The following TXNRD3 variants were observed in gnomAD, a reference collection of about 807,000 sequenced individuals.
The protein encoded by TXNRD3 is TXNRD3 neighbor gene protein.
In TXNRD3, 68 loss-of-function variants were observed where a neutral mutation model predicts 78.2. The ratio of observed to expected loss-of-function variants is 0.87; its 90% confidence interval spans 0.72 to 1.06. TXNRD3 has a LOEUF of 1.06. Among genes scored for constraint, TXNRD3 ranks in the 50% least tolerant of loss-of-function variants. TXNRD3 has a pLI of 0.00. For synonymous variants in TXNRD3, 296 were observed against 300.1 expected (o/e 0.99, Z 0.14); for missense variants, 751 against 809.5 (o/e 0.93, Z 0.88).
At chr3:126,629,273 A>G (rs778495426) in intron 10 of TXNRD3, 106 bp downstream of exon 10, 19 of 875,416 alleles carry the variant, frequency 2.2e-5, no homozygotes, top group Middle Eastern at 2.5e-4. Flanking sequence ...ACAAAGAATA[A>G]AAAAAGTAAA....
At chr3:126,614,108 A>G (rs759544484) in intron 13 of TXNRD3, among the ~76,000 whole-genome samples, 2 of 152,220 alleles carry the variant, frequency 1.3e-5, no homozygotes, top group Non-Finnish European at 2.9e-5. Context: ...TAAAAAAATT[A>G]ATAGAAAAAA....
At chr3:126,648,467 A>C (rs888497408) in intron 1 of TXNRD3, among the ~76,000 whole-genome samples, 4 of 152,260 alleles carry the variant, frequency 2.6e-5, no homozygotes, top group Non-Finnish European at 5.9e-5. Flanking sequence ...TACAGTAATC[A>C]AAACAGTGCC....
At chr3:126,617,974 T>C (rs1461874451) in intron 12 of TXNRD3, among the ~76,000 whole-genome samples, 1 of 152,134 alleles carries the variant, frequency 6.6e-6, no homozygotes, top group Non-Finnish European at 1.5e-5. Context: ...CCATTTATAA[T>C]AGCTACAAAA....
rs145394225 is a variant in TXNRD3, at chr3:126,607,224, T to C, written c.*681A>G. Reference sequence around the variant, plus strand: ...TACTTTTATCTTACATGAGATATTTTGCTCAGTCTCGAGATATTAATTAGG... The same window carrying C: ...TACTTTTATCTTACATGAGATATTTCGCTCAGTCTCGAGATATTAATTAGG... On this transcript the variant is annotated 3_prime_UTR_variant, in exon 16 of 16. Transcript: ENST00000524230. The C allele has an allele frequency of 6.6e-6, 1 of 152,364 alleles. No individual in the cohort carries two copies. The highest frequency in any genetic ancestry group is 1.9e-4 in the East Asian group (1 of 5,192). 9.4% of individuals were successfully genotyped at this position (152,364 alleles called of 1,614,324 possible). A position where few individuals can be genotyped will look rare whatever the true frequency, so the allele number is the denominator to read the frequency against.
chr3:126,612,902 T>C (rs1180021081), intron 13 of TXNRD3, among the ~76,000 whole-genome samples: 3 of 152,224 alleles, frequency 2.0e-5, no homozygotes, highest in Non-Finnish European at 4.4e-5. Context: ...AATATGACCT[T>C]ATCACATACT....
chr3:126,653,861 C>T (rs569814694), intron 1 of TXNRD3, among the ~76,000 whole-genome samples: 2 of 152,244 alleles, frequency 1.3e-5, no homozygotes, highest in East Asian at 3.9e-4. Context: ...AATTAATGAA[C>T]CCCAGCTACA....
chr3:126,639,145 T>C (rs866587560), intron 6 of TXNRD3, among the ~76,000 whole-genome samples: 1 of 152,204 alleles, frequency 6.6e-6, no homozygotes, highest in African/African-American at 2.4e-5. Context: ...TGAAACAGTG[T>C]AGATATTTAT....
At chr3:126,629,097 A>T (rs2107618036) in intron 10 of TXNRD3, among the ~76,000 whole-genome samples, 1 of 152,174 alleles carries the variant, frequency 6.6e-6, no homozygotes, top group Middle Eastern at 3.4e-3. Context: ...TCAAATTAAG[A>T]AATGTATAAA....
intron 1 of TXNRD3, among the ~76,000 whole-genome samples, chr3:126,653,096 T>G (rs1488296719): frequency 6.6e-6 from 1 of 152,370 alleles, no homozygotes; most frequent in East Asian, 1.9e-4. Context: ...AATGTATGTA[T>G]AGCTCACGTT....
intron 2 of TXNRD3, 70 bp downstream of exon 2, chr3:126,647,166 G>A: frequency 8.1e-7 from 1 of 1,228,496 alleles, no homozygotes. Flanking sequence ...ATTGAACAAA[G>A]TAAATGGAAA....
rs571044705 is a variant in TXNRD3 at position 126,644,290 on chromosome 3, T to G, written c.519+7A>C. On this transcript the variant is annotated splice_region_variant and intron_variant, in intron 4 of 15. Transcript: ENST00000524230. ...ATTATCTACGAGTTTCATTTCTATA[T>G]TCATACCTTCGCACATGAAAGGCCT... The G allele has an allele frequency of 9.8e-6, 15 of 1,534,168 alleles. No homozygotes were observed. Among genetic ancestry groups the G allele is most frequent in the East Asian group, 2.4e-5 (1 of 40,918 alleles).
At chr3:126,651,882 TA>T (rs1381512895) in intron 1 of TXNRD3, among the ~76,000 whole-genome samples, 1 of 152,126 alleles carries the variant, frequency 6.6e-6, no homozygotes, top group Admixed American at 6.6e-5. Flanking sequence ...TTTCAGGAGC[TA>T]AAACAGGAGA....
rs59442626 is a variant in TXNRD3 at position 126,625,867 on chromosome 3, A to G, written c.1291-3327T>C. 1,088 of 152,452 alleles carry G rather than the reference A, an allele frequency of 7.1e-3. 14 individuals carry two copies. The highest frequency in any genetic ancestry group is 0.025 in the African/African-American group (1,025 of 41,554). 9.4% of individuals were successfully genotyped at this position (152,452 alleles called of 1,614,324 possible). ...TCTAACTGGTGTGAGATGGTATCTC[A>G]TTGTGGTTTTGATTTGAACAGCAGT... On this transcript the variant is annotated intron_variant, in intron 10 of 15. Transcript: ENST00000524230.
chr3:126,647,149 A>C, intron 2 of TXNRD3, 87 bp downstream of exon 2: 1 of 1,047,364 alleles, frequency 9.5e-7, no homozygotes, highest in South Asian at 1.7e-5. Flanking sequence ...AGACAAGAGT[A>C]ATCTGAATTG....
At chr3:126,622,404 G>A in intron 11 of TXNRD3, 60 bp downstream of exon 11, 1 of 1,174,690 alleles carries the variant, frequency 8.5e-7, no homozygotes, top group Non-Finnish European at 1.2e-6. Flanking sequence ...TTTCTTAGAG[G>A]TGATCTGCAG....
In TXNRD3 at chr3:126,644,325, C is replaced by G; in HGVS notation, c.491G>C (p.Gly164Ala). The G allele has an allele frequency of 1.3e-6, 2 of 1,536,490 alleles. No homozygotes were observed. Among genetic ancestry groups the G allele is most frequent in the Non-Finnish European group, 1.7e-6 (2 of 1,147,000 alleles). Residue 164 changes from glycine (G) to alanine (A), a missense_variant, in exon 4 of 16, where the codon GGT (glycine) becomes GCT (alanine). Coordinates refer to ENST00000524230, the MANE Select transcript of TXNRD3 (RefSeq NM_052883.3). ...CGCACATGAAAGGCCTCCAGAACCA[C>G]CACCGATGATGATGAGATCATAATC... is the stretch of plus-strand genomic sequence containing the variant.
intron 1 of TXNRD3, 128 bp from the exon 2 acceptor site, chr3:126,647,424 TTTTG>T: frequency 1.5e-6 from 1 of 658,210 alleles, no homozygotes; most frequent in South Asian, 2.1e-5. Flanking sequence ...AACGTGTGGT[TTTTG>T]TTTTTGTTTT....
rs778519718 is a variant in TXNRD3 at position 126,642,012 on chromosome 3, C to A, written c.712+20G>T. On this transcript the variant is annotated intron_variant, in intron 6 of 15. Coordinates refer to ENST00000524230, the MANE Select transcript of TXNRD3 (RefSeq NM_052883.3). ...ATTTTTTCTTTTCTCTCAATCTATA[C>A]TTTATGAACCATTACTCACCTTGTT... 1 of 1,520,876 alleles carries A rather than the reference C, an allele frequency of 6.6e-7. No homozygotes were observed. 94.2% of individuals were successfully genotyped at this position (1,520,876 alleles called of 1,614,324 possible).
In TXNRD3 at chr3:126,654,910, C is replaced by T; in HGVS notation, c.81G>A (p.Gly27=). The change falls in exon 1 of 16, where the codon GGG becomes GGA. Residue 27 remains glycine (G), a synonymous_variant. Transcript: ENST00000524230. ...GCCCCGGCGGCGACAACACGCGCGCCCCTCGGACATGGCCCGAGCGGCGGT... is the reference window on the plus strand; with the variant it reads ...GCCCCGGCGGCGACAACACGCGCGCTCCTCGGACATGGCCCGAGCGGCGGT... 3 of 1,308,476 alleles carry T rather than the reference C, an allele frequency of 2.3e-6. No individual in the cohort carries two copies. The African/African-American group carries it at 4.6e-5, about 20-fold the overall frequency. The allele number at this position is 1,308,476 out of a possible 1,614,324, so 81.1% of individuals were successfully genotyped here.
Sources: gnomAD v4.1 joint callset for allele counts (sites outside exome capture counted in the v4.1 genomes callset) on GRCh38, gnomAD v4.1.1 for gene constraint, MANE v1.5 for transcripts, NCBI Gene and HGNC (gene_info 2026-07-23, HGNC 2026-07-21) for gene names.